ABL2: variants seen among roughly 807,000 people sequenced by gnomAD.
ABL2 encodes the protein tyrosine-protein kinase ABL2.
In ABL2, 49 loss-of-function variants were observed where a neutral mutation model predicts 107.7. That is an observed-to-expected ratio of 0.45 (90% CI 0.36 to 0.58). The LOEUF (loss-of-function observed/expected upper bound fraction) is 0.58, where lower values mean the gene tolerates loss of function less well. Ranked by LOEUF, ABL2 falls within the 20% of genes least tolerant of loss-of-function variation. ABL2 has a pLI of 0.00. For synonymous variants in ABL2, 549 were observed against 548.6 expected (o/e 1.00, Z -0.01); for missense variants, 1,245 against 1,457.0 (o/e 0.85, Z 2.37).
intron 10 of ABL2, chr1:179,110,812 G>A (rs781608021): frequency 1.9e-6 from 3 of 1,613,824 alleles, no homozygotes; most frequent in African/African-American, 1.3e-5. Flanking sequence ...GGTTCACAAT[G>A]TTATGCACGT....
In ABL2 at chr1:179,117,463, G is replaced by C. The variant is rs576460819; in HGVS notation, c.1277C>G (p.Ala426Gly). Residue 426 changes from alanine to glycine, a missense_variant, in exon 8 of 12, where the codon GCT (alanine) becomes GGT (glycine). By Grantham distance (60) the Ala-to-Gly change is moderately conservative (BLOSUM62 0). Transcript: ENST00000502732. Reference sequence around the variant, plus strand: ...CATCAATCTACTTAAGCCAAAGTCAGCCACTTTTACCACATGGTTTTCTCC... The same window carrying C: ...CATCAATCTACTTAAGCCAAAGTCACCCACTTTTACCACATGGTTTTCTCC... Reference protein sequence around the residue: ...LVGENHVVKVADFGLSRLMTG... With the variant: ...LVGENHVVKVGDFGLSRLMTG... 6 of 1,614,144 alleles carry C rather than the reference G, an allele frequency of 3.7e-6. No individual in the cohort carries two copies. In the Admixed American group the frequency reaches 6.7e-5, roughly 18 times the overall value.
chr1:179,118,238 C>A (rs752915147), intron 7 of ABL2, among the ~76,000 whole-genome samples: 1 of 149,840 alleles, frequency 6.7e-6, no homozygotes, highest in Non-Finnish European at 1.5e-5. Context: ...TCTGGCCAGG[C>A]ATGGTGGCTC....
intron 6 of ABL2, among the ~76,000 whole-genome samples, chr1:179,119,587 A>T (rs1654988811): frequency 6.6e-6 from 1 of 151,442 alleles, no homozygotes; most frequent in Non-Finnish European, 1.5e-5. Flanking sequence ...CCCTATTTTA[A>T]AAAAGGAAAA....
chr1:179,182,248 A>C (rs1222059671), intron 1 of ABL2, among the ~76,000 whole-genome samples: 1 of 152,022 alleles, frequency 6.6e-6, no homozygotes, highest in Admixed American at 6.6e-5. Flanking sequence ...GGGTAAATTC[A>C]ACTATTCTCC....
chr1:179,140,773 C>T lies in ABL2; in HGVS notation c.158-7399G>A, dbSNP rs142582128. Among the ~76,000 whole-genome samples, 336 of 152,288 alleles carry T rather than the reference C, an allele frequency of 2.2e-3. 3 individuals carry two copies. The highest frequency in any genetic ancestry group is 7.5e-3 in the African/African-American group (310 of 41,536). On this transcript the variant is annotated intron_variant, in intron 1 of 11. Coordinates refer to ENST00000502732, the MANE Select transcript of ABL2 (RefSeq NM_007314.4). ...CGCAGGCCAGGCACAGTAGCTCATG[C>T]CTATAATCTCAGCACTTTGAGAAGC...
intron 1 of ABL2, among the ~76,000 whole-genome samples, chr1:179,166,017 G>C (rs572170326): frequency 1.1e-4 from 16 of 152,080 alleles, no homozygotes; most frequent in Non-Finnish European, 8.8e-5. Context: ...GATTGGTCTC[G>C]AACTCCTGAC....
intron 1 of ABL2, among the ~76,000 whole-genome samples, chr1:179,141,165 A>AC (rs2102704651): frequency 6.6e-6 from 1 of 151,932 alleles, no homozygotes; most frequent in Non-Finnish European, 1.5e-5. Flanking sequence ...ATAGTGGCAC[A>AC]CAACTGTAGT....
chr1:179,120,790 C>T (rs1223493333), intron 5 of ABL2, among the ~76,000 whole-genome samples: 1 of 152,106 alleles, frequency 6.6e-6, no homozygotes, highest in African/African-American at 2.4e-5. Context: ...GCAGGAGGAG[C>T]AAAATTCAGC....
At chr1:179,217,644 A>G (rs772593218) in intron 1 of ABL2, among the ~76,000 whole-genome samples, 28 of 152,012 alleles carry the variant, frequency 1.8e-4, no homozygotes, top group Non-Finnish European at 3.8e-4. Context: ...AAAAAAAGAA[A>G]AGAAATATTA....
intron 1 of ABL2, among the ~76,000 whole-genome samples, chr1:179,213,826 C>T (rs1406159237): frequency 6.6e-6 from 1 of 152,104 alleles, no homozygotes; most frequent in Admixed American, 6.6e-5. Flanking sequence ...CACCTGTAAT[C>T]CCAGTACATT....
intron 7 of ABL2, among the ~76,000 whole-genome samples, chr1:179,118,180 T>C (rs1487258946): frequency 6.9e-6 from 1 of 145,324 alleles, no homozygotes; most frequent in African/African-American, 2.5e-5. Context: ...AGCCACTAGA[T>C]GGTGAAAAAG....
At chr1:179,180,866 C>G (rs1375073170) in intron 1 of ABL2, among the ~76,000 whole-genome samples, 1 of 152,200 alleles carries the variant, frequency 6.6e-6, no homozygotes, top group Middle Eastern at 3.2e-3. Context: ...TCTTCCTTCA[C>G]ATTTAAAGAA....
In ABL2 at chr1:179,121,645, C is replaced by G. The variant is rs1322166102; in HGVS notation, c.910G>C (p.Val304Leu). Residue 304 changes from valine to leucine, a missense_variant, in exon 5 of 12, where the codon GTT (valine) becomes CTT (leucine). This residue lies in a region of ABL2 where 320 missense variants were observed against 547.0 expected (regional missense o/e 0.59). Coordinates refer to ENST00000502732, the MANE Select transcript of ABL2 (RefSeq NM_007314.4). ...LGGGQYGEVYVGVWKKYSLTV... is the reference protein window; with the variant it reads ...LGGGQYGEVYLGVWKKYSLTV... ...AGGCTGTATTTCTTCCAGACGCCAA[C>G]GTAAACCTCTCCATACTGACCGCCC... 1 of 1,614,208 alleles carries G rather than the reference C, an allele frequency of 6.2e-7. No individual in the cohort carries two copies. Among genetic ancestry groups the G allele is most frequent in the South Asian group, 1.1e-5 (1 of 91,090 alleles).
chr1:179,135,782 G>A (rs1446264955), intron 1 of ABL2, among the ~76,000 whole-genome samples: 1 of 145,624 alleles, frequency 6.9e-6, no homozygotes, highest in African/African-American at 2.5e-5. Context: ...AGGTGGGGGG[G>A]TCAGCCCCCC....
chr1:179,209,355 G>T (rs28991590), intron 1 of ABL2, among the ~76,000 whole-genome samples: 1 of 152,022 alleles, frequency 6.6e-6, no homozygotes, highest in Non-Finnish European at 1.5e-5. Flanking sequence ...ACTTCTACAC[G>T]CTGTCCACTC....
At chr1:179,183,180 G>A (rs182050707) in intron 1 of ABL2, among the ~76,000 whole-genome samples, 79 of 152,090 alleles carry the variant, frequency 5.2e-4, no homozygotes, top group African/African-American at 1.2e-3. Flanking sequence ...GCTAAATAAT[G>A]TGTACACATG....
rs553112640 is a variant in ABL2 at position 179,106,966 on chromosome 1, G to C, written c.*752C>G. On this transcript the variant is annotated 3_prime_UTR_variant, in exon 12 of 12. Coordinates refer to ENST00000502732, the MANE Select transcript of ABL2 (RefSeq NM_007314.4). ...TATGGTTTACAGATAGCCACCAACA[G>C]GCAGGAAGCCGATCCTGGTCCATTA... 6 of 230,492 alleles carry C rather than the reference G, an allele frequency of 2.6e-5. No individual in the cohort carries two copies. Among genetic ancestry groups the C allele is most frequent in the African/African-American group, 1.1e-4 (5 of 45,322 alleles). 14.3% of individuals were successfully genotyped at this position (230,492 alleles called of 1,614,324 possible). A position where few individuals can be genotyped will look rare whatever the true frequency, so the allele number is the denominator to read the frequency against.
chr1:179,131,504 G>A (rs1417038617), intron 2 of ABL2, 23 bp from the exon 3 acceptor site: 1 of 1,609,834 alleles, frequency 6.2e-7, no homozygotes, highest in South Asian at 1.1e-5. Context: ...AGAAGGGAAG[G>A]GAATTCACGG....
chr1:179,109,927 C>CAA (rs11285150), intron 11 of ABL2, among the ~76,000 whole-genome samples: 1 of 131,250 alleles, frequency 7.6e-6, no homozygotes, highest in East Asian at 2.3e-4. Flanking sequence ...GACTCCGTCT[C>CAA]AAAAAAAAAA....
Sources: allele counts gnomAD v4.1 joint callset (sites outside exome capture counted in the v4.1 genomes callset), GRCh38; gene constraint gnomAD v4.1.1; regional missense constraint gnomAD v4.1.1; transcripts MANE v1.5; gene names NCBI Gene and HGNC (gene_info 2026-07-23, HGNC 2026-07-21).